Variants in DGKB observed in about 807,000 individuals in gnomAD.
The protein encoded by DGKB is 90 kDa diacylglycerol kinase.
Under a neutral mutation model 114.3 loss-of-function variants are expected in DGKB, and 67 were observed. The ratio of observed to expected loss-of-function variants is 0.59; its 90% CI spans 0.48 to 0.72. DGKB has a LOEUF of 0.72. Ranked by LOEUF, DGKB falls within the 30% of genes least tolerant of loss-of-function variation. The probability of loss-of-function intolerance (pLI) is 0.00; values close to 1 mark genes in which losing one functional copy is unlikely to be tolerated. For missense variants in DGKB, 907 were observed against 975.2 expected (o/e 0.93, Z 0.93); for synonymous variants, 398 against 323.1 (o/e 1.23, Z -2.49).
chr7:14,570,369 C>T (rs1385173689), intron 20 of DGKB, among the ~76,000 whole-genome samples: 1 of 151,796 alleles, frequency 6.6e-6, no homozygotes, highest in Admixed American at 6.6e-5. Context: ...CTTTTTCAAA[C>T]ACCTTGACTT....
rs78181811 is a variant in DGKB at position 14,687,320 on chromosome 7, T to A, written c.712-1958A>T. Among the ~76,000 whole-genome samples the A allele has an allele frequency of 6.1e-3, 924 of 152,328 alleles. 70 individuals carry two copies. In the East Asian group the frequency reaches 0.16, roughly 27 times the overall value. ...TACAATTCTTGACATTGCTCAGATT[T>A]ACCTTTCTGACAAGGGGCTAACAAA... On this transcript the variant is annotated intron_variant, in intron 9 of 25. Coordinates refer to ENST00000402815, the MANE Select transcript of DGKB (RefSeq NM_001350709.2).
At chr7:14,196,312 G>T (rs1785015933) in intron 23 of DGKB, among the ~76,000 whole-genome samples, 1 of 152,074 alleles carries the variant, frequency 6.6e-6, no homozygotes, top group Non-Finnish European at 1.5e-5. Flanking sequence ...AATTATTCTA[G>T]TCATAAAAGC....
At chr7:14,177,580 ATT>A (rs1781968434) in intron 24 of DGKB, among the ~76,000 whole-genome samples, 5 of 131,694 alleles carry the variant, frequency 3.8e-5, no homozygotes, top group Admixed American at 7.6e-5. Context: ...AAAAAAAAAA[ATT>A]GGGGGGAAAT....
In DGKB at chr7:14,769,127, G is replaced by GAAAGAAAGAA. The variant is rs1253652417; in HGVS notation, c.71-11397_71-11396insTTCTTTCTTT. On this transcript the variant is annotated intron_variant, in intron 2 of 25. Coordinates refer to ENST00000402815, the MANE Select transcript of DGKB (RefSeq NM_001350709.2). Reference sequence around the variant, plus strand: ...AAAGAAAGAAAGAAAGAAAGAAAGAGAGAGAGAGAAAGAAAGAAAGAAAGA... The same window carrying GAAAGAAAGAA: ...AAAGAAAGAAAGAAAGAAAGAAAGAGAAAGAAAGAAAGAGAGAGAAAGAAAGAAAGAAAGA... 3.4e-3 allele frequency among the ~76,000 whole-genome samples: 215 copies of GAAAGAAAGAA among 63,522 alleles called. 3 individuals carry two copies. The highest frequency in any genetic ancestry group is 7.8e-3 in the Admixed American group (46 of 5,908). The allele number at this position is 63,522 out of a possible 152,430, so 41.7% of individuals were successfully genotyped here. A position where few individuals can be genotyped will look rare whatever the true frequency, so the allele number is the denominator to read the frequency against.
Position 14,694,153 on chromosome 7 carries a change from A to G in DGKB, c.633T>C (p.Asp211=). 6.3e-7 allele frequency: 1 copy of G among 1,585,284 alleles called. No homozygotes were observed. Among genetic ancestry groups the G allele is most frequent in the Non-Finnish European group, 8.6e-7 (1 of 1,163,858 alleles). ...EMMEEIDYDH[D]GTVSLEEWIQ... ...TCCATTCCTCCAGAGACACGGTTCC[A>G]TCATGATCATAGTCAATTTCTTCCA... is the stretch of plus-strand genomic sequence containing the variant. Residue 211 remains aspartate, a synonymous_variant, in exon 9 of 26, where the codon GAT becomes GAC. Transcript: ENST00000402815.
chr7:14,445,264 C>G (rs1361112191), intron 21 of DGKB, among the ~76,000 whole-genome samples: 2 of 151,898 alleles, frequency 1.3e-5, no homozygotes, highest in East Asian at 3.9e-4. Context: ...AGTGAAGTTT[C>G]TAATTTCTTG....
chr7:14,921,494 T>C (rs1358677848), intron 1 of DGKB, among the ~76,000 whole-genome samples: 1 of 152,226 alleles, frequency 6.6e-6, no homozygotes, highest in Non-Finnish European at 1.5e-5. Context: ...TGTAAGTTGT[T>C]TGTGTATCAC....
At chr7:14,705,262 T>G (rs1485614552) in intron 6 of DGKB, among the ~76,000 whole-genome samples, 1 of 150,762 alleles carries the variant, frequency 6.6e-6, no homozygotes, top group Non-Finnish European at 1.5e-5. Context: ...AAGGGAAGTT[T>G]AGAGAAAAAA....
rs1457371159 is a variant in DGKB at position 14,718,596 on chromosome 7, T to C, written c.412A>G (p.Ile138Val). 13 of 1,612,934 alleles carry C rather than the reference T, an allele frequency of 8.1e-6. No individual in the cohort carries two copies. Among genetic ancestry groups the C allele is most frequent in the Non-Finnish European group, 9.3e-6 (11 of 1,179,362 alleles). The change falls in exon 6 of 26, where the codon ATT becomes GTT. Residue 138 changes from isoleucine to valine, a missense_variant. Physicochemically the swap from Ile to Val is conservative, Grantham distance 29 (BLOSUM62 3). Transcript: ENST00000402815. ...CSPEVIHLKD[I>V]VCYLSLLERG... is the part of the protein sequence containing the mutation. ...TCAAGCAGAGACAGGTAACAGACAATGTCCTTCAGATGGATTACTTCTGGG... is the reference window on the plus strand; with the variant it reads ...TCAAGCAGAGACAGGTAACAGACAACGTCCTTCAGATGGATTACTTCTGGG...
chr7:14,946,093 A>G (rs952276797), intron 1 of DGKB, among the ~76,000 whole-genome samples: 1 of 151,474 alleles, frequency 6.6e-6, no homozygotes, highest in Non-Finnish European at 1.5e-5. Context: ...ATATATGGGT[A>G]TTCTTGAGAT....
At chr7:14,678,178 G>A (rs1820207060) in intron 12 of DGKB, among the ~76,000 whole-genome samples, 1 of 152,016 alleles carries the variant, frequency 6.6e-6, no homozygotes, top group Non-Finnish European at 1.5e-5. Flanking sequence ...TCTACACTCA[G>A]TACTTTGTCA....
chr7:14,477,280 G>T (rs1002097575), intron 21 of DGKB, among the ~76,000 whole-genome samples: 3 of 152,132 alleles, frequency 2.0e-5, no homozygotes, highest in Non-Finnish European at 4.4e-5. Context: ...GAATGTCCAG[G>T]TGCAGGTATC....
chr7:14,279,520 C>T (rs942522441), intron 23 of DGKB, among the ~76,000 whole-genome samples: 10 of 152,286 alleles, frequency 6.6e-5, no homozygotes, highest in South Asian at 2.1e-4. Context: ...TCTCCCAGTA[C>T]GCAGCTGGAG....
At chr7:14,149,375 T>G in intron 25 of DGKB, 137 bp from the exon 26 acceptor site, 1 of 613,046 alleles carries the variant, frequency 1.6e-6, no homozygotes, top group Non-Finnish European at 2.7e-6. Context: ...AAAATGTAAT[T>G]TCAGAGTTTC....
chr7:14,795,561 GATCACTGTC>G (rs1308390359), intron 2 of DGKB, among the ~76,000 whole-genome samples: 2 of 152,104 alleles, frequency 1.3e-5, no homozygotes, highest in African/African-American at 2.4e-5. Flanking sequence ...AGATCTCTGT[GATCACTGTC>G]TGTAGGCCAG....
intron 2 of DGKB, among the ~76,000 whole-genome samples, chr7:14,830,209 AAG>A (rs1159646564): frequency 2.0e-5 from 3 of 152,052 alleles, no homozygotes; most frequent in Admixed American, 6.6e-5. Context: ...TGATATTAGT[AAG>A]AGAGTTTTAC....
At chr7:14,261,086 A>T (rs956786121) in intron 23 of DGKB, among the ~76,000 whole-genome samples, 2 of 152,150 alleles carry the variant, frequency 1.3e-5, no homozygotes, top group Non-Finnish European at 2.9e-5. Context: ...AAGAAAACAT[A>T]AAAAAATTAA....
At position 14,643,133 on chromosome 7, in the gene DGKB, A is replaced by G. The variant is rs377252489; in HGVS notation, c.1135-12865T>C. Among the ~76,000 whole-genome samples the G allele has an allele frequency of 6.4e-4, 98 of 152,082 alleles. 1 individual carries two copies. In the South Asian group the frequency reaches 0.011, roughly 17 times the overall value. ...GATGAAGCCCTTCTAAGACATGGAA[A>G]CTCCTGATGGCACAATAAAAATAAA... On this transcript the variant is annotated intron_variant, in intron 13 of 25. Transcript: ENST00000402815.
chr7:14,550,405 A>G (rs1794943349), intron 20 of DGKB, among the ~76,000 whole-genome samples: 1 of 152,164 alleles, frequency 6.6e-6, no homozygotes, highest in South Asian at 2.1e-4. Context: ...ATTTGAGATT[A>G]AGAATCTTTT....
Sources: gnomAD v4.1 joint callset for allele counts (sites outside exome capture counted in the v4.1 genomes callset) on GRCh38, gnomAD v4.1.1 for gene constraint, MANE v1.5 for transcripts, NCBI Gene and HGNC (gene_info 2026-07-23, HGNC 2026-07-21) for gene names.